The following DMBT1 variants were observed in gnomAD, a reference collection of about 807,000 sequenced individuals.
DMBT1 encodes scavenger receptor cysteine-rich domain-containing protein DMBT1.
A neutral mutation model predicts 252.9 loss-of-function variants in DMBT1; 198 were observed. That is an observed-to-expected ratio of 0.78 (90% CI 0.70 to 0.88). The LOEUF is 0.88. DMBT1 is among the 40% of genes least tolerant of loss of function. DMBT1 has a pLI of 0.00. For synonymous variants in DMBT1, 990 were observed against 942.7 expected (o/e 1.05, Z -0.92); for missense variants, 2,432 against 2,404.7 (o/e 1.01, Z -0.24).
chr10:122,590,556 G>A, intron 17 of DMBT1, 109 bp from the exon 18 acceptor site: 4 of 1,309,532 alleles, frequency 3.1e-6, no homozygotes, highest in Non-Finnish European at 4.4e-6. Context: ...CCTCTGTGAT[G>A]GGGACATAGG....
At position 122,620,247 on chromosome 10, in the gene DMBT1, T is replaced by A. The variant is rs2098050898; in HGVS notation, c.5246-6T>A. 3.1e-6 allele frequency: 5 copies of A among 1,613,848 alleles called. No individual in the cohort carries two copies. The highest frequency in any genetic ancestry group is 3.3e-5 in the Admixed American group (2 of 60,002). ...TTTTGTCCTTTCTCTTTGTTGCAAT[T>A]TACAGATACTTGGCTGACCACCAAC... On this transcript the variant is annotated splice_region_variant and splice_polypyrimidine_tract_variant and intron_variant, in intron 42 of 55. Coordinates refer to ENST00000338354, the MANE Select transcript of DMBT1 (RefSeq NM_001377530.1).
Position 122,565,958 on chromosome 10 carries a change from T to C in DMBT1, c.62-9T>C. On this transcript the variant is annotated splice_polypyrimidine_tract_variant and intron_variant, in intron 1 of 55. Coordinates refer to ENST00000338354, the MANE Select transcript of DMBT1 (RefSeq NM_001377530.1). ...CAGTGTTTCTAAGACGAATTTGTGTTCTTTCCAGGTGGGTGGATCCCAAGG... is the reference window on the plus strand; with the variant it reads ...CAGTGTTTCTAAGACGAATTTGTGTCCTTTCCAGGTGGGTGGATCCCAAGG... The C allele has an allele frequency of 6.2e-7, 1 of 1,613,856 alleles. No homozygotes were observed. The highest frequency in any genetic ancestry group is 1.1e-5 in the South Asian group (1 of 91,050).
At position 122,592,594 on chromosome 10, in the gene DMBT1, A is replaced by G; in HGVS notation, c.2499A>G (p.Ser833=). The G allele has an allele frequency of 6.3e-7, 1 of 1,588,466 alleles. No individual in the cohort carries two copies. Among genetic ancestry groups the G allele is most frequent in the Admixed American group, 1.7e-5 (1 of 59,562 alleles). Residue 833 remains serine (S), a splice_region_variant and synonymous_variant, in exon 20 of 56, where the codon TCA becomes TCG. Coordinates refer to ENST00000338354, the MANE Select transcript of DMBT1 (RefSeq NM_001377530.1). The part of the protein sequence containing the change: ...GHHEDAGVIC[S]VSQSRPTPSP... ...ATGAAGATGCTGGTGTCATCTGCTC[A>G]GGTGGGCCTCCAAGACCTTGGGCTC... is the stretch of plus-strand genomic sequence containing the variant.
chr10:122,631,785 C>T, intron 49 of DMBT1, 70 bp from the exon 50 acceptor site: 1 of 1,559,672 alleles, frequency 6.4e-7, no homozygotes, highest in African/African-American at 1.4e-5. Context: ...AAGTGTATCT[C>T]TGTCTCATTC....
chr10:122,579,092 G>T (rs868781369), intron 9 of DMBT1, among the ~76,000 whole-genome samples: 2 of 152,108 alleles, frequency 1.3e-5, no homozygotes, highest in Admixed American at 6.5e-5. Context: ...AGGGTGGAGG[G>T]TGCTGGTGAC....
intron 53 of DMBT1, 117 bp from the exon 54 acceptor site, chr10:122,637,011 C>A (rs1281759033): frequency 7.5e-6 from 7 of 933,350 alleles, no homozygotes; most frequent in Non-Finnish European, 1.1e-5. Flanking sequence ...TAAGTGCTGA[C>A]CCTCCCTGTC....
Position 122,598,830 on chromosome 10 carries a change from C to G in DMBT1, c.3013C>G (p.Arg1005Gly). 6.2e-7 allele frequency: 1 copy of G among 1,613,576 alleles called. No individual in the cohort carries two copies. Among genetic ancestry groups the G allele is most frequent in the South Asian group, 1.1e-5 (1 of 91,056 alleles). The change falls in exon 26 of 56, where the codon CGA becomes GGA. Residue 1005 changes from arginine to glycine, a missense_variant. By Grantham distance (125) the Arg-to-Gly change is moderately radical. Around this residue, in one of 3 missense-constraint regions of DMBT1, gnomAD observed 1,264 missense variants for 1,082.2 expected, o/e 1.17. Coordinates refer to ENST00000338354, the MANE Select transcript of DMBT1 (RefSeq NM_001377530.1). ...LVNGGDRCQGRVEVLYQGSWG... is the reference protein window; with the variant it reads ...LVNGGDRCQGGVEVLYQGSWG... ...GAATGGAGGTGACAGGTGTCAGGGC[C>G]GAGTGGAGGTCCTATACCAAGGCTC...
At chr10:122,576,141 C>T (rs2097709798) in intron 6 of DMBT1, among the ~76,000 whole-genome samples, 1 of 152,208 alleles carries the variant, frequency 6.6e-6, no homozygotes, top group South Asian at 2.1e-4. Flanking sequence ...ATGTGTATCT[C>T]TAGGTCCCCT....
At chr10:122,622,004 G>A (rs1418478382) in intron 44 of DMBT1, among the ~76,000 whole-genome samples, 1 of 152,212 alleles carries the variant, frequency 6.6e-6, no homozygotes, top group African/African-American at 2.4e-5. Context: ...TGTGGTTTGG[G>A]ATGGAAGATC....
At chr10:122,591,838 A>G (rs2097851694) in intron 19 of DMBT1, among the ~76,000 whole-genome samples, 1 of 149,164 alleles carries the variant, frequency 6.7e-6, no homozygotes, top group South Asian at 2.2e-4. Context: ...CAGACCTGCA[A>G]GGGAGGGTGA....
chr10:122,643,259 A>G lies in DMBT1; in HGVS notation c.7490A>G (p.Tyr2497Cys). The G allele has an allele frequency of 6.2e-7, 1 of 1,613,862 alleles. No individual in the cohort carries two copies. The highest frequency in any genetic ancestry group is 8.5e-7 in the Non-Finnish European group (1 of 1,179,858). ...TGTAAAATGGTGGTGTGCAGAGCGT[A>G]TGACCCCTCTTCCCGCTGCTACCGA... is the stretch of plus-strand genomic sequence containing the variant. ...LRCKMVVCRA[Y>C]DPSSRCYRGC... Residue 2497 changes from tyrosine to cysteine, a missense_variant, in exon 56 of 56, where the codon TAT becomes TGT. Around this residue, in one of 3 missense-constraint regions of DMBT1, gnomAD observed 1,162 missense variants for 1,169.0 expected, o/e 0.99. Coordinates refer to ENST00000338354, the MANE Select transcript of DMBT1 (RefSeq NM_001377530.1).
intron 54 of DMBT1, among the ~76,000 whole-genome samples, chr10:122,638,543 G>A (rs1843905129): frequency 6.6e-6 from 1 of 152,238 alleles, no homozygotes; most frequent in African/African-American, 2.4e-5. Flanking sequence ...CTGGGCTTAA[G>A]CAATCTTCCA....
chr10:122,618,818 G>A (rs2098029661), intron 41 of DMBT1, among the ~76,000 whole-genome samples: 1 of 152,234 alleles, frequency 6.6e-6, no homozygotes, highest in Admixed American at 6.5e-5. Flanking sequence ...GCAAATGCAT[G>A]TCTGTTTGTG....
At chr10:122,585,929 T>G in intron 15 of DMBT1, 131 bp from the exon 16 acceptor site, 1 of 1,497,178 alleles carries the variant, frequency 6.7e-7, no homozygotes, top group South Asian at 1.3e-5. Flanking sequence ...ATCTCTGGTT[T>G]TATTCATATT....
At chr10:122,581,508 G>A (rs565274966) in intron 11 of DMBT1, among the ~76,000 whole-genome samples, 1 of 150,078 alleles carries the variant, frequency 6.7e-6, no homozygotes, top group Admixed American at 6.6e-5. Context: ...GTCCTAGTCA[G>A]TCCATGCATC....
chr10:122,566,274 T>C (rs1031210262), intron 2 of DMBT1, among the ~76,000 whole-genome samples: 27 of 152,134 alleles, frequency 1.8e-4, no homozygotes, highest in Non-Finnish European at 3.1e-4. Context: ...TGAGGAGAGA[T>C]AGTTGAAAAT....
Position 122,572,297 on chromosome 10 carries a change from C to G in DMBT1, c.188-17C>G. On this transcript the variant is annotated splice_polypyrimidine_tract_variant and intron_variant, in intron 4 of 55. Transcript: ENST00000338354. ...AAGGGCTACCATCAATGAGCTCTTC[C>G]TTTCTCCACCCTGCAGGTTCTCCGA... 6.2e-7 allele frequency: 1 copy of G among 1,613,216 alleles called. No homozygotes were observed. Among genetic ancestry groups the G allele is most frequent in the Non-Finnish European group, 8.5e-7 (1 of 1,179,346 alleles).
chr10:122,618,220 C>T lies in DMBT1; in HGVS notation c.5095C>T (p.Pro1699Ser), dbSNP rs775173681. The change falls in exon 41 of 56, where the codon CCC becomes TCC. Residue 1699 changes from proline to serine, a missense_variant. Pro to Ser is a moderately conservative substitution (Grantham distance 74, BLOSUM62 -1). This residue lies in a region of DMBT1 where 1,162 missense variants were observed against 1,169.0 expected (regional missense o/e 0.99). Transcript: ENST00000338354. ...GNAQFGQGSG[P>S]IVLDDVRCSG... ...TGCCCAGTTTGGCCAGGGCTCAGGACCCATTGTCCTGGATGATGTGCGCTG... is the reference window on the plus strand; with the variant it reads ...TGCCCAGTTTGGCCAGGGCTCAGGATCCATTGTCCTGGATGATGTGCGCTG... The T allele has an allele frequency of 2.5e-5, 40 of 1,613,660 alleles. No individual in the cohort carries two copies. In the African/African-American group the frequency reaches 5.1e-4, roughly 20 times the overall value.
rs1251159156 is a variant in DMBT1, at chr10:122,640,317, T to C, written c.7220T>C (p.Leu2407Pro). The change falls in exon 55 of 56, where the codon CTG (leucine) becomes CCG (proline). Residue 2407 changes from leucine to proline, a missense_variant. Leu to Pro is a moderately conservative substitution (Grantham distance 98). Around this residue, in one of 3 missense-constraint regions of DMBT1, gnomAD observed 1,162 missense variants for 1,169.0 expected, o/e 0.99. Coordinates refer to ENST00000338354, the MANE Select transcript of DMBT1 (RefSeq NM_001377530.1). ...ACCAGCCGCCCTTACTACGTGGACC[T>C]GAACCAGGACTTGTACGTTCAGGCT... ...PVTSRPYYVD[L>P]NQDLYVQAEI... 2.5e-6 allele frequency: 4 copies of C among 1,614,080 alleles called. No individual in the cohort carries two copies. In the East Asian group the frequency reaches 6.7e-5, roughly 27 times the overall value.
Sources: allele counts gnomAD v4.1 joint callset (sites outside exome capture counted in the v4.1 genomes callset), GRCh38; gene constraint gnomAD v4.1.1; regional missense constraint gnomAD v4.1.1; transcripts MANE v1.5; gene names NCBI Gene and HGNC (gene_info 2026-07-23, HGNC 2026-07-21).